Variants in MARCHF1 observed in about 807,000 individuals in gnomAD.
MARCHF1 encodes the protein E3 ubiquitin-protein ligase MARCHF1.
In MARCHF1, 40 loss-of-function variants were observed where a neutral mutation model predicts 54.2. The observed-to-expected ratio is 0.74, with a 90% CI of 0.57 to 0.96. The LOEUF is 0.96. Ranked by LOEUF, MARCHF1 falls within the 40% of genes least tolerant of loss-of-function variation. The probability of loss-of-function intolerance (pLI) is 0.00; values close to 1 mark genes in which losing one functional copy is unlikely to be tolerated. For missense variants in MARCHF1, 586 were observed against 656.5 expected (o/e 0.89, Z 1.17); for synonymous variants, 236 against 236.3 (o/e 1.00, Z 0.01).
intron 1 of MARCHF1, among the ~76,000 whole-genome samples, chr4:164,245,030 CAA>C (rs1732898750): frequency 6.6e-6 from 1 of 152,108 alleles, no homozygotes; most frequent in Non-Finnish European, 1.5e-5. Context: ...ACCAGAGGTA[CAA>C]GGAGGAACTG....
chr4:164,215,304 C>T (rs907799928), intron 1 of MARCHF1, among the ~76,000 whole-genome samples: 9 of 152,124 alleles, frequency 5.9e-5, no homozygotes, highest in Non-Finnish European at 8.8e-5. Context: ...AGCGTTCTGG[C>T]GTCTGTCACG....
chr4:164,128,389 AAC>A (rs1013246716), intron 1 of MARCHF1, among the ~76,000 whole-genome samples: 3 of 152,122 alleles, frequency 2.0e-5, no homozygotes, highest in Non-Finnish European at 4.4e-5. Context: ...GCTCTCAGAA[AAC>A]AGTTATTAAT....
At chr4:163,924,710 A>C (rs1751501317) in intron 3 of MARCHF1, among the ~76,000 whole-genome samples, 2 of 151,896 alleles carry the variant, frequency 1.3e-5, no homozygotes, top group Non-Finnish European at 2.9e-5. Context: ...AAGAAATTTA[A>C]TCAAGGGTGC....
At chr4:164,290,581 ATTC>A (rs1734262839) in intron 1 of MARCHF1, among the ~76,000 whole-genome samples, 2 of 151,980 alleles carry the variant, frequency 1.3e-5, no homozygotes, top group African/African-American at 4.8e-5. Flanking sequence ...CCTTCCAAAT[ATTC>A]TTAATTACTT....
intron 1 of MARCHF1, among the ~76,000 whole-genome samples, chr4:164,172,947 C>T (rs1730567676): frequency 6.7e-6 from 1 of 148,660 alleles, no homozygotes; most frequent in South Asian, 2.1e-4. Context: ...CGCCACTGCA[C>T]TCCAGCCTGG....
chr4:163,763,480 T>C (rs887566940), intron 4 of MARCHF1, among the ~76,000 whole-genome samples: 7 of 152,118 alleles, frequency 4.6e-5, no homozygotes, highest in African/African-American at 9.6e-5. Flanking sequence ...CAAAATTGTC[T>C]GTTATATGCA....
chr4:164,202,932 CA>C (rs1190155266), intron 1 of MARCHF1, among the ~76,000 whole-genome samples: 1 of 151,864 alleles, frequency 6.6e-6, no homozygotes, highest in Non-Finnish European at 1.5e-5. Context: ...ACCATTAAAC[CA>C]AAATGGTGAA....
At chr4:163,538,854 C>T (rs987802576) in intron 9 of MARCHF1, among the ~76,000 whole-genome samples, 7 of 152,144 alleles carry the variant, frequency 4.6e-5, no homozygotes, top group African/African-American at 7.2e-5. Context: ...TCATGCCTCC[C>T]GGTAATCCTG....
chr4:163,882,695 G>T lies in MARCHF1; in HGVS notation c.-38-28526C>A, dbSNP rs115667402. 2.5e-3 allele frequency among the ~76,000 whole-genome samples: 384 copies of T among 152,066 alleles called. 3 individuals carry two copies. The highest frequency in any genetic ancestry group is 8.9e-3 in the African/African-American group (370 of 41,464). ...AATTTTAACAAATTATTAGCTGGGG[G>T]CAGTGGCTTATACCTGTAATCCCAG... On this transcript the variant is annotated intron_variant, in intron 3 of 9. Transcript: ENST00000514618.
chr4:164,360,000 C>T (rs1185746635), intron 1 of MARCHF1, among the ~76,000 whole-genome samples: 1 of 152,022 alleles, frequency 6.6e-6, no homozygotes, highest in African/African-American at 2.4e-5. Context: ...TCTAGTAGGC[C>T]GTGTGAACCC....
chr4:164,262,055 T>A (rs1733480924), intron 1 of MARCHF1, among the ~76,000 whole-genome samples: 1 of 149,038 alleles, frequency 6.7e-6, no homozygotes, highest in Admixed American at 6.8e-5. Context: ...CAGTGAGTCA[T>A]GTCTGCACCA....
At chr4:164,039,815 G>C (rs933905302) in intron 2 of MARCHF1, among the ~76,000 whole-genome samples, 1 of 151,662 alleles carries the variant, frequency 6.6e-6, no homozygotes, top group African/African-American at 2.4e-5. Context: ...GTCTTTACTG[G>C]GGATCATTTG....
At chr4:164,291,994 CAATT>C (rs1289025411) in intron 1 of MARCHF1, among the ~76,000 whole-genome samples, 2 of 151,896 alleles carry the variant, frequency 1.3e-5, no homozygotes, top group African/African-American at 2.4e-5. Context: ...GCTAAAGTCA[CAATT>C]AATTAATTTT....
At chr4:164,186,922 A>C (rs1323170527) in intron 1 of MARCHF1, among the ~76,000 whole-genome samples, 1 of 152,238 alleles carries the variant, frequency 6.6e-6, no homozygotes. Flanking sequence ...AGGTGTCGAA[A>C]GTAGTTTCCA....
intron 1 of MARCHF1, among the ~76,000 whole-genome samples, chr4:164,327,096 G>A (rs942752342): frequency 5.3e-5 from 8 of 151,772 alleles, no homozygotes; most frequent in Admixed American, 2.6e-4. Flanking sequence ...TTTATTGAGT[G>A]TCTACTATAC....
intron 3 of MARCHF1, among the ~76,000 whole-genome samples, chr4:163,906,727 A>T (rs1429762957): frequency 6.6e-6 from 1 of 151,928 alleles, no homozygotes; most frequent in Admixed American, 6.6e-5. Flanking sequence ...ACAAATAAAA[A>T]AAAAGAAAAA....
intron 3 of MARCHF1, among the ~76,000 whole-genome samples, chr4:163,955,939 G>T (rs958419271): frequency 9.9e-5 from 15 of 152,102 alleles, no homozygotes; most frequent in African/African-American, 3.6e-4. Context: ...GAAAGGGATG[G>T]GAGATATGAC....
At chr4:163,616,525 G>A (rs1281682780) in intron 5 of MARCHF1, among the ~76,000 whole-genome samples, 1 of 152,050 alleles carries the variant, frequency 6.6e-6, no homozygotes, top group African/African-American at 2.4e-5. Context: ...ACTATAATTA[G>A]AGAACTGTAA....
intron 1 of MARCHF1, among the ~76,000 whole-genome samples, chr4:164,212,304 T>G (rs1356874991): frequency 6.6e-6 from 1 of 152,084 alleles, no homozygotes; most frequent in African/African-American, 2.4e-5. Flanking sequence ...TCCCCATTTT[T>G]CAAGAGAGAA....
Sources: allele counts gnomAD v4.1 joint callset (sites outside exome capture counted in the v4.1 genomes callset), GRCh38; gene constraint gnomAD v4.1.1; transcripts MANE v1.5; gene names NCBI Gene and HGNC (gene_info 2026-07-23, HGNC 2026-07-21).